The following NFASC variants were observed in gnomAD, a reference collection of about 807,000 sequenced individuals.
NFASC encodes the protein neurofascin homolog.
In NFASC, 43 loss-of-function variants were observed where a neutral mutation model predicts 147.5. The ratio of observed to expected loss-of-function variants is 0.29; its 90% CI spans 0.23 to 0.38. The LOEUF (loss-of-function observed/expected upper bound fraction) is 0.38. Among genes scored for constraint, NFASC ranks in the 10% least tolerant of loss-of-function variants. NFASC has a pLI of 1.00. For missense variants in NFASC, 1,320 were observed against 1,689.0 expected (o/e 0.78, Z 3.83); for synonymous variants, 622 against 665.5 (o/e 0.93, Z 1.01).
chr1:205,012,227 C>T (rs1183597088), intron 28 of NFASC, among the ~76,000 whole-genome samples: 1 of 152,176 alleles, frequency 6.6e-6, no homozygotes, highest in African/African-American at 2.4e-5. Context: ...TCACACATCA[C>T]AGAGGAAGTG....
rs1008261280 is a variant in NFASC, at chr1:205,019,437, C to T, written c.*2898C>T. ...TAGGCTGCAATCCCACCTATATGCT[C>T]AGCCCTAAGAGCTGTGGTTTCCTGT... On this transcript the variant is annotated 3_prime_UTR_variant, in exon 30 of 30. Transcript: ENST00000339876. 1 of 152,170 alleles carries T rather than the reference C, an allele frequency of 6.6e-6. No homozygotes were observed. The highest frequency in any genetic ancestry group is 2.4e-5 in the African/African-American group (1 of 41,424). The allele number at this position is 152,170 out of a possible 1,614,324, so 9.4% of individuals were successfully genotyped here.
intron 21 of NFASC, chr1:204,984,069 A>C: frequency 6.2e-7 from 1 of 1,614,172 alleles, no homozygotes; most frequent in Non-Finnish European, 8.5e-7. Flanking sequence ...CGAGTCATGA[A>C]CAGCACAGCC....
chr1:204,971,038 T>C (rs561122018), intron 11 of NFASC, among the ~76,000 whole-genome samples: 11 of 152,216 alleles, frequency 7.2e-5, no homozygotes, highest in African/African-American at 2.2e-4. Flanking sequence ...TCTGAACAAC[T>C]TCAGAGCCCA....
intron 23 of NFASC, chr1:204,989,328 A>G: frequency 6.4e-6 from 1 of 155,522 alleles, no homozygotes; most frequent in East Asian, 1.9e-4. Context: ...TGCAGCCTGA[A>G]TTGGATGCGT....
intron 2 of NFASC, among the ~76,000 whole-genome samples, chr1:204,939,213 T>TC (rs1280073290): frequency 3.9e-4 from 59 of 151,994 alleles, no homozygotes; most frequent in Non-Finnish European, 4.4e-5. Context: ...TTCTGCACTC[T>TC]CCCCCTGCCC....
At chr1:204,860,536 C>T (rs1336248090) in intron 1 of NFASC, among the ~76,000 whole-genome samples, 4 of 152,192 alleles carry the variant, frequency 2.6e-5, no homozygotes, top group Non-Finnish European at 5.9e-5. Flanking sequence ...GAATTTAGCA[C>T]AGAAATTCTG....
At position 204,950,582 on chromosome 1, in the gene NFASC, C is replaced by T. The variant is rs764475027; in HGVS notation, c.109+8C>T. On this transcript the variant is annotated splice_region_variant and intron_variant, in intron 4 of 29. Transcript: ENST00000339876. ...CAAGCATTCAGAATGAGCGTAAGTG[C>T]CCTGTGTGCCTCTCTGTGCCTCTGG... is the stretch of plus-strand genomic sequence containing the variant. 4.3e-6 allele frequency: 7 copies of T among 1,611,968 alleles called. No homozygotes were observed. Among genetic ancestry groups the T allele is most frequent in the Middle Eastern group, 1.6e-4 (1 of 6,084 alleles).
rs567281033 is a variant in NFASC, at chr1:205,016,234, G to A, written c.3492-74G>A. ...CTGGATCCCATCCTCTCTGAGCTGTGTAGGGCATGTGCTGGCAGGAGGCCA... is the reference window on the plus strand; with the variant it reads ...CTGGATCCCATCCTCTCTGAGCTGTATAGGGCATGTGCTGGCAGGAGGCCA... On this transcript the variant is annotated intron_variant, in intron 29 of 29. Coordinates refer to ENST00000339876, the MANE Select transcript of NFASC (RefSeq NM_001005388.3). This position sits in a 1 kb window ranked among gnomAD's most constrained non-coding sequence, Gnocchi z 5.1. The A allele has an allele frequency of 1.6e-3, 1,589 of 1,009,120 alleles. 9 individuals are homozygous for A. The highest frequency in any genetic ancestry group is 4.2e-3 in the South Asian group (316 of 74,952). The allele number at this position is 1,009,120 out of a possible 1,614,324, so 62.5% of individuals were successfully genotyped here. A position where few individuals can be genotyped will look rare whatever the true frequency, so the allele number is the denominator to read the frequency against.
At chr1:204,964,062 G>C (rs902153485) in intron 8 of NFASC, among the ~76,000 whole-genome samples, 2 of 152,242 alleles carry the variant, frequency 1.3e-5, no homozygotes, top group African/African-American at 4.8e-5. Flanking sequence ...GATTCAGCCA[G>C]GTGAGGAGAC....
At chr1:204,991,147 G>T in intron 23 of NFASC, 145 bp from the exon 24 acceptor site, 1 of 899,948 alleles carries the variant, frequency 1.1e-6, no homozygotes, top group Non-Finnish European at 1.8e-6. Context: ...CCAGCAGCCA[G>T]CACCTGGCCA....
At position 204,944,290 on chromosome 1, in the gene NFASC, G is replaced by C; in HGVS notation, c.-26G>C. The C allele has an allele frequency of 6.2e-7, 1 of 1,610,440 alleles. No homozygotes were observed. The highest frequency in any genetic ancestry group is 1.1e-5 in the South Asian group (1 of 90,198). On this transcript the variant is annotated 5_prime_UTR_variant, in exon 3 of 30. Coordinates refer to ENST00000339876, the MANE Select transcript of NFASC (RefSeq NM_001005388.3). ...GTGACAAGACCCCGAGTGCTGGGGA[G>C]CAGGGAGCAGGGCCAGGTGCCGAGG...
chr1:204,973,345 G>A lies in NFASC; in HGVS notation c.1205G>A (p.Ser402Asn). The change falls in exon 12 of 30, where the codon AGC becomes AAC. Residue 402 changes from serine (S) to asparagine (N), a missense_variant. By Grantham distance (46) the Ser-to-Asn change is conservative (BLOSUM62 1). Coordinates refer to ENST00000339876, the MANE Select transcript of NFASC (RefSeq NM_001005388.3). ...ATCTTCCGGGACACCCAGATCAGCA[G>A]CAGGGCTGTGTACCAGTGCAACACC... ...TIIFRDTQIS[S>N]RAVYQCNTSN... The A allele has an allele frequency of 6.2e-7, 1 of 1,614,256 alleles. No individual in the cohort carries two copies. Among genetic ancestry groups the A allele is most frequent in the Non-Finnish European group, 8.5e-7 (1 of 1,180,042 alleles).
intron 11 of NFASC, among the ~76,000 whole-genome samples, chr1:204,972,299 G>A (rs1310520966): frequency 6.6e-6 from 1 of 152,226 alleles, no homozygotes; most frequent in African/African-American, 2.4e-5. Flanking sequence ...TCTTAGGAAG[G>A]AAAGTCACTT....
At chr1:205,008,191 C>T (rs1264889818) in intron 27 of NFASC, among the ~76,000 whole-genome samples, 3 of 152,168 alleles carry the variant, frequency 2.0e-5, no homozygotes, top group Non-Finnish European at 4.4e-5. Context: ...TGGGAACTTT[C>T]TTGGTGCAAT....
At position 204,986,349 on chromosome 1, in the gene NFASC, AC is replaced by A. The variant is rs1177749248; in HGVS notation, c.2471-1068del. Among the ~76,000 whole-genome samples the A allele has an allele frequency of 2.0e-5, 3 of 152,224 alleles. No homozygotes were observed. The stretch of plus-strand genomic sequence containing the variant: ...AAGAGAAGACCTGTGAGGTCTGCTG[AC>A]ATAATTCCAGACGGGTTATGCAGAC... On this transcript the variant is annotated intron_variant, in intron 21 of 29. Coordinates refer to ENST00000339876, the MANE Select transcript of NFASC (RefSeq NM_001005388.3). The surrounding 1 kb of genome is among the most constrained non-coding windows in gnomAD (Gnocchi z 4.2).
chr1:204,933,540 A>T (rs192744648), intron 2 of NFASC, among the ~76,000 whole-genome samples: 1 of 152,360 alleles, frequency 6.6e-6, no homozygotes, highest in African/African-American at 2.4e-5. Flanking sequence ...CATGGAGGCT[A>T]TAAATGCCAG....
chr1:204,946,348 G>A (rs775075426), intron 3 of NFASC: 1 of 511,854 alleles, frequency 2.0e-6, no homozygotes, highest in Non-Finnish European at 3.9e-6. Context: ...TAGCCTGCGG[G>A]TTAGAGACAA....
In NFASC at chr1:205,002,616, G is replaced by T; in HGVS notation, c.3157G>T (p.Val1053Phe). Residue 1053 changes from valine to phenylalanine, a missense_variant, in exon 27 of 30, where the codon GTC becomes TTC. Val to Phe is a conservative substitution (Grantham distance 50). Around this residue, in one of 3 missense-constraint regions of NFASC, gnomAD observed 172 missense variants for 165.8 expected, o/e 1.04. Coordinates refer to ENST00000339876, the MANE Select transcript of NFASC (RefSeq NM_001005388.3). Reference protein sequence around the residue: ...YIDSNHTKKTVPVKAQAQPIQ... With the variant: ...YIDSNHTKKTFPVKAQAQPIQ... The stretch of plus-strand genomic sequence containing the variant: ...CCCAGGCAACCATACGAAAAAAACT[G>T]TCCCAGTTAAGGCCCAGGCTCAGCC... 6.5e-7 allele frequency: 1 copy of T among 1,532,502 alleles called. No individual in the cohort carries two copies. The highest frequency in any genetic ancestry group is 1.2e-5 in the South Asian group (1 of 82,452). 94.9% of individuals were successfully genotyped at this position (1,532,502 alleles called of 1,614,324 possible).
chr1:204,967,885 C>A (rs534721431), intron 8 of NFASC: 1 of 190,162 alleles, frequency 5.3e-6, no homozygotes, highest in African/African-American at 2.3e-5. Flanking sequence ...AGATGGCCTG[C>A]CCTGGGGGCC....
Sources: allele counts gnomAD v4.1 joint callset (sites outside exome capture counted in the v4.1 genomes callset), GRCh38; gene constraint gnomAD v4.1.1; regional missense constraint gnomAD v4.1.1; non-coding constraint Gnocchi (gnomAD v3.1); transcripts MANE v1.5; gene names NCBI Gene and HGNC (gene_info 2026-07-23, HGNC 2026-07-21).